NAV3: variants seen among roughly 807,000 people sequenced by gnomAD.
NAV3 encodes the protein pore membrane and/or filament interacting like protein 1.
A neutral mutation model predicts 244.7 loss-of-function variants in NAV3; 87 were observed. That is an observed-to-expected ratio of 0.36 (90% confidence interval 0.30 to 0.42). NAV3 has a LOEUF of 0.42. NAV3 is among the 20% of genes least tolerant of loss of function. NAV3 has a pLI of 1.00. For synonymous variants in NAV3, 1,126 were observed against 1,042.2 expected (o/e 1.08, Z -1.55); for missense variants, 2,663 against 2,893.3 (o/e 0.92, Z 1.83).
Position 77,813,209 on chromosome 12 carries a change from T to C in NAV3, c.73-127110T>C, listed in dbSNP as rs534523707. 3.9e-5 allele frequency among the ~76,000 whole-genome samples: 6 copies of C among 152,336 alleles called. No homozygotes were observed. In the South Asian group the frequency reaches 1.2e-3, roughly 32 times the overall value. ...AGTTTACATACAAGCAAGGAACCTA[T>C]GTGTAGGGGACACAATGTGATTTTC... On this transcript the variant is annotated intron_variant, in intron 2 of 8. Transcript: ENST00000550042.
Position 78,201,947 on chromosome 12 carries a change from G to T in NAV3, c.6834+1356G>T, listed in dbSNP as rs1394749470. ...GCATGGCAGTATTTGGAACTAAAAT[G>T]ATAGTTCTGGTGAACATGATGAATT... is the stretch of plus-strand genomic sequence containing the variant. On this transcript the variant is annotated intron_variant, in intron 38 of 39. Coordinates refer to ENST00000397909, the MANE Select transcript of NAV3 (RefSeq NM_001024383.2). Among the ~76,000 whole-genome samples, 4 of 151,842 alleles carry T rather than the reference G, an allele frequency of 2.6e-5. No homozygotes were observed. In the East Asian group the frequency reaches 7.7e-4, roughly 29 times the overall value.
At chr12:77,867,575 A>G (rs1254871269) in intron 1 of NAV3, among the ~76,000 whole-genome samples, 5 of 151,826 alleles carry the variant, frequency 3.3e-5, no homozygotes, top group African/African-American at 4.8e-5. Flanking sequence ...GCCCGCCACC[A>G]CGCCCGGCTA....
intron 1 of NAV3, among the ~76,000 whole-genome samples, chr12:77,845,928 C>T (rs1451573115): frequency 1.3e-5 from 2 of 152,156 alleles, no homozygotes; most frequent in Non-Finnish European, 2.9e-5. Flanking sequence ...GCTGGGATTA[C>T]AGGCTTGAGC....
At chr12:77,768,744 G>A (rs905297235) in intron 2 of NAV3, among the ~76,000 whole-genome samples, 7 of 152,292 alleles carry the variant, frequency 4.6e-5, no homozygotes, top group Admixed American at 2.0e-4. Context: ...CTGGGAGGGC[G>A]GGCTCCTGCC....
intron 2 of NAV3, among the ~76,000 whole-genome samples, chr12:77,618,345 T>G (rs1871223970): frequency 1.3e-5 from 2 of 152,326 alleles, no homozygotes; most frequent in South Asian, 4.1e-4. Context: ...AACTATACAG[T>G]ACTTCATTGG....
At chr12:77,708,599 G>A (rs1448759167) in intron 2 of NAV3, among the ~76,000 whole-genome samples, 18 of 151,996 alleles carry the variant, frequency 1.2e-4, no homozygotes, top group East Asian at 3.9e-4. Context: ...CTGTGAAGAA[G>A]GTCATTGGTA....
At chr12:77,983,577 G>T (rs756020814) in intron 5 of NAV3, among the ~76,000 whole-genome samples, 35 of 152,132 alleles carry the variant, frequency 2.3e-4, no homozygotes, top group African/African-American at 7.5e-4. Context: ...CAGAGCCAGA[G>T]ATATGGACCT....
intron 2 of NAV3, among the ~76,000 whole-genome samples, chr12:77,812,648 A>C (rs1408902080): frequency 6.6e-6 from 1 of 151,614 alleles, no homozygotes; most frequent in Non-Finnish European, 1.5e-5. Context: ...CTCCTGACCT[A>C]GGTGATCTGC....
chr12:77,591,188 C>T (rs1331560766), intron 2 of NAV3, among the ~76,000 whole-genome samples: 2 of 152,136 alleles, frequency 1.3e-5, no homozygotes, highest in Admixed American at 6.5e-5. Context: ...TTAATAAATT[C>T]CCTCAATGAA....
At chr12:77,718,704 C>A (rs748351601) in intron 2 of NAV3, among the ~76,000 whole-genome samples, 1 of 151,966 alleles carries the variant, frequency 6.6e-6, no homozygotes, top group Non-Finnish European at 1.5e-5. Flanking sequence ...GGTGCCCAGG[C>A]TGAAGTGGGA....
At chr12:77,906,137 A>T (rs1384790851) in intron 1 of NAV3, among the ~76,000 whole-genome samples, 1 of 152,150 alleles carries the variant, frequency 6.6e-6, no homozygotes. Flanking sequence ...ATTTGCCGCA[A>T]ACTTGCAAAG....
At chr12:77,926,055 C>T (rs1373228187) in intron 1 of NAV3, among the ~76,000 whole-genome samples, 1 of 152,118 alleles carries the variant, frequency 6.6e-6, no homozygotes, top group African/African-American at 2.4e-5. Context: ...TTCTCTATTG[C>T]TCCCTGTCAA....
chr12:78,205,232 C>T, intron 39 of NAV3, 94 bp downstream of exon 39: 2 of 1,291,692 alleles, frequency 1.5e-6, no homozygotes, highest in Non-Finnish European at 2.1e-6. Context: ...ATTTGTTATC[C>T]TAAGCAACAT....
rs1876797666 is a variant in NAV3, at chr12:77,847,262, C to T, written c.243+15558C>T. On this transcript the variant is annotated intron_variant, in intron 1 of 39. Transcript: ENST00000397909. ...AGGCATTTCTGTGTGTGAGAATCTTCGATTTCAAAAATATGTTTTTAAAGG... is the reference window on the plus strand; with the variant it reads ...AGGCATTTCTGTGTGTGAGAATCTTTGATTTCAAAAATATGTTTTTAAAGG... Among the ~76,000 whole-genome samples, 2 of 152,100 alleles carry T rather than the reference C, an allele frequency of 1.3e-5. 1 individual carries two copies. The highest frequency in any genetic ancestry group is 6.3e-3 in the Middle Eastern group (2 of 316).
At chr12:78,030,486 C>T (rs1239877953) in intron 9 of NAV3, among the ~76,000 whole-genome samples, 1 of 152,134 alleles carries the variant, frequency 6.6e-6, no homozygotes, top group Non-Finnish European at 1.5e-5. Context: ...AATTATTTAG[C>T]GATTATTTGG....
chr12:78,188,680 A>C lies in NAV3; in HGVS notation c.5958A>C (p.Ile1986=). The change falls in exon 33 of 40, where the codon ATA becomes ATC. Residue 1986 remains isoleucine (I), a synonymous_variant. Coordinates refer to ENST00000397909, the MANE Select transcript of NAV3 (RefSeq NM_001024383.2). ...CTGACTGCATTGCTAGCTACTGTAT[A>C]GGAGACTTAATTAGATCCCATAACC... ...LSSDCIASYC[I]GDLIRSHNLE... The C allele has an allele frequency of 6.2e-7, 1 of 1,612,528 alleles. No homozygotes were observed. Among genetic ancestry groups the C allele is most frequent in the Non-Finnish European group, 8.5e-7 (1 of 1,179,044 alleles).
intron 2 of NAV3, among the ~76,000 whole-genome samples, chr12:77,592,962 G>A (rs1054850848): frequency 2.0e-5 from 3 of 152,142 alleles, no homozygotes; most frequent in South Asian, 2.1e-4. Flanking sequence ...AGACAATTGG[G>A]ATCTAATTCT....
intron 38 of NAV3, among the ~76,000 whole-genome samples, chr12:78,201,072 C>CCTT (rs747862571): frequency 4.4e-5 from 4 of 90,310 alleles, no homozygotes; most frequent in Non-Finnish European, 6.1e-5. Flanking sequence ...TCTTCTCCTT[C>CCTT]TTTTTTTTTT....
At chr12:77,704,406 A>T (rs1875698104) in intron 2 of NAV3, among the ~76,000 whole-genome samples, 2 of 152,192 alleles carry the variant, frequency 1.3e-5, no homozygotes, top group South Asian at 4.1e-4. Context: ...GAACAAATGA[A>T]AGCTGCCGTA....
Sources: allele counts gnomAD v4.1 joint callset (sites outside exome capture counted in the v4.1 genomes callset), GRCh38; gene constraint gnomAD v4.1.1; transcripts MANE v1.5; gene names NCBI Gene and HGNC (gene_info 2026-07-23, HGNC 2026-07-21).